The following SMC5 variants were observed in gnomAD, a reference collection of about 807,000 sequenced individuals.
SMC5 encodes structural maintenance of chromosomes 5.
SMC5 carries 88 observed loss-of-function variants against 148.3 expected under a neutral mutation model. The observed-to-expected ratio is 0.59, with a 90% CI of 0.50 to 0.71. SMC5 has a LOEUF of 0.71. Ranked by LOEUF, SMC5 falls within the 30% of genes least tolerant of loss-of-function variation. The pLI, the probability that SMC5 is intolerant of heterozygous loss-of-function variation, is 0.00. For missense variants in SMC5, 1,142 were observed against 1,298.9 expected (o/e 0.88, Z 1.86); for synonymous variants, 421 against 432.8 (o/e 0.97, Z 0.34).
intron 9 of SMC5, among the ~76,000 whole-genome samples, chr9:70,299,756 A>T (rs1357734470): frequency 6.6e-6 from 1 of 150,428 alleles, no homozygotes; most frequent in Non-Finnish European, 1.5e-5. Flanking sequence ...TTGTCTTTTG[A>T]TAGGAAATCT....
At chr9:70,333,624 G>A (rs1463477621) in intron 17 of SMC5, among the ~76,000 whole-genome samples, 12 of 152,228 alleles carry the variant, frequency 7.9e-5, no homozygotes, top group East Asian at 3.9e-4. Context: ...CCAGCTACTC[G>A]GGAGGCTGAG....
intron 12 of SMC5, 147 bp downstream of exon 12, chr9:70,314,983 A>G (rs1161040534): frequency 3.9e-6 from 2 of 506,838 alleles, no homozygotes; most frequent in African/African-American, 2.0e-5. Context: ...GGACCATGAT[A>G]TAGTTAGCAC....
chr9:70,309,942 T>C (rs2035615593), intron 11 of SMC5, among the ~76,000 whole-genome samples: 1 of 152,144 alleles, frequency 6.6e-6, no homozygotes, highest in Non-Finnish European at 1.5e-5. Context: ...CTCCACCTCC[T>C]GGGTATAAGC....
chr9:70,262,280 T>C (rs992910916), intron 1 of SMC5, among the ~76,000 whole-genome samples: 16 of 152,136 alleles, frequency 1.1e-4, no homozygotes, highest in African/African-American at 3.9e-4. Context: ...AGAAGTACAT[T>C]ATAGGTAGAA....
In SMC5 at chr9:70,323,560, A is replaced by T; in HGVS notation, c.2228A>T (p.Asn743Ile). 6.2e-7 allele frequency: 1 copy of T among 1,612,860 alleles called. No homozygotes were observed. Among genetic ancestry groups the T allele is most frequent in the Non-Finnish European group, 8.5e-7 (1 of 1,179,464 alleles). Residue 743 changes from asparagine (N) to isoleucine (I), a missense_variant, in exon 16 of 25, where the codon AAT becomes ATT. This residue lies in a region of SMC5 where 743 missense variants were observed against 835.7 expected (regional missense o/e 0.89). Transcript: ENST00000361138. ...RKASTKIKEINVQKAKLVTEL... is the reference protein window; with the variant it reads ...RKASTKIKEIIVQKAKLVTEL... ...GCAAGTACCAAAATCAAAGAAATAA[A>T]TGTTCAAAAAGCGAAACTTGTTACC...
Position 70,344,146 on chromosome 9 carries a change from A to G in SMC5, c.2400A>G (p.Gln800=), listed in dbSNP as rs769266507. 2.0e-6 allele frequency: 3 copies of G among 1,509,970 alleles called. No homozygotes were observed. Among genetic ancestry groups the G allele is most frequent in the Middle Eastern group, 1.8e-4 (1 of 5,650 alleles). The allele number at this position is 1,509,970 out of a possible 1,614,324, so 93.5% of individuals were successfully genotyped here. A position where few individuals can be genotyped will look rare whatever the true frequency, so the allele number is the denominator to read the frequency against. ...AASSQLRLTE[Q]HFIELDENRQ... is the part of the protein sequence containing the mutation. ...TTCAAAATAAATTTTTTTAATAGCA[A>G]CATTTCATTGAATTGGATGAAAATA... is the stretch of plus-strand genomic sequence containing the variant. The change falls in exon 18 of 25, where the codon CAA becomes CAG. Residue 800 remains glutamine (Q), a splice_region_variant and synonymous_variant. Transcript: ENST00000361138.
intron 3 of SMC5, among the ~76,000 whole-genome samples, chr9:70,268,968 A>T (rs2034370403): frequency 6.6e-6 from 1 of 152,192 alleles, no homozygotes; most frequent in Admixed American, 6.5e-5. Context: ...ATAAATATGC[A>T]CATTATTTAG....
chr9:70,341,502 T>A (rs1303646785), intron 17 of SMC5, among the ~76,000 whole-genome samples: 1 of 152,210 alleles, frequency 6.6e-6, no homozygotes, highest in Non-Finnish European at 1.5e-5. Flanking sequence ...CTTTTATTTC[T>A]CTCAAGCTAT....
At chr9:70,319,053 A>G in intron 15 of SMC5, 90 bp downstream of exon 15, 1 of 1,133,740 alleles carries the variant, frequency 8.8e-7, no homozygotes. Context: ...CATTTCCACA[A>G]GCACGCTTTG....
Position 70,347,590 on chromosome 9 carries a change from G to T in SMC5, c.2665-23G>T, listed in dbSNP as rs756533927. ...TATCCTTTGGTAGATTTATCTTAAA[G>T]AAGTTTTTTTTTCCCCTGCCAGATT... On this transcript the variant is annotated intron_variant, in intron 20 of 24. Coordinates refer to ENST00000361138, the MANE Select transcript of SMC5 (RefSeq NM_015110.4). 21 of 1,284,876 alleles carry T rather than the reference G, an allele frequency of 1.6e-5. 1 individual carries two copies. In the South Asian group the frequency reaches 2.8e-4, roughly 17 times the overall value. The allele number at this position is 1,284,876 out of a possible 1,614,324, so 79.6% of individuals were successfully genotyped here.
intron 12 of SMC5, among the ~76,000 whole-genome samples, 197 bp downstream of exon 12, chr9:70,315,033 A>G (rs534465250): frequency 6.6e-6 from 1 of 152,262 alleles, no homozygotes; most frequent in African/African-American, 2.4e-5. Context: ...AAGTCTGCAG[A>G]ATAATATTGA....
intron 18 of SMC5, among the ~76,000 whole-genome samples, chr9:70,345,178 A>ATT (rs796403883): frequency 2.8e-5 from 4 of 144,288 alleles, no homozygotes; most frequent in African/African-American, 9.9e-5. Flanking sequence ...CAATCTACTA[A>ATT]TTTTTTTTTT....
intron 3 of SMC5, among the ~76,000 whole-genome samples, chr9:70,270,956 C>A (rs2034433279): frequency 6.6e-6 from 1 of 152,086 alleles, no homozygotes; most frequent in Admixed American, 6.5e-5. Flanking sequence ...CTACATATTT[C>A]TTAATACAGG....
chr9:70,323,285 C>T (rs1488925989), intron 15 of SMC5, among the ~76,000 whole-genome samples, 198 bp from the exon 16 acceptor site: 1 of 152,104 alleles, frequency 6.6e-6, no homozygotes, highest in Admixed American at 6.6e-5. Flanking sequence ...ACTTTAGCTC[C>T]TTAAGGGAAG....
Position 70,282,508 on chromosome 9 carries a change from G to T in SMC5, c.906G>T (p.Gly302=). The T allele has an allele frequency of 3.7e-6, 6 of 1,608,840 alleles. No individual in the cohort carries two copies. The South Asian group carries it at 4.5e-5, about 12-fold the overall frequency. The change falls in exon 7 of 25, where the codon GGG becomes GGT. Residue 302 remains glycine, a synonymous_variant. Transcript: ENST00000361138. ...AAGAGGTCAGAAAACTTAAAGAAGG[G>T]CAGATTCCTGTAACATGTCGAATTG... ...VKEEVRKLKE[G]QIPVTCRIEE...
intron 2 of SMC5, among the ~76,000 whole-genome samples, chr9:70,267,258 A>C (rs1343534909): frequency 6.6e-6 from 1 of 152,114 alleles, no homozygotes; most frequent in African/African-American, 2.4e-5. Flanking sequence ...ACCTTTTTTA[A>C]TATTTATCAC....
chr9:70,265,377 T>G (rs2034263429), intron 2 of SMC5, among the ~76,000 whole-genome samples: 1 of 152,112 alleles, frequency 6.6e-6, no homozygotes, highest in Non-Finnish European at 1.5e-5. Flanking sequence ...GAGAATTGCT[T>G]GAATCCAGGA....
chr9:70,258,988 G>A lies in SMC5; in HGVS notation c.-91G>A. 1 of 1,424,646 alleles carries A rather than the reference G, an allele frequency of 7.0e-7. No homozygotes were observed. Among genetic ancestry groups the A allele is most frequent in the African/African-American group, 1.5e-5 (1 of 68,606 alleles). The allele number at this position is 1,424,646 out of a possible 1,614,324, so 88.3% of individuals were successfully genotyped here. ...GTAACAGTTCGCGGCAGTTCGCGCG[G>A]GAGCGGGGCGCCTGGGTGGATGGGC... is the stretch of plus-strand genomic sequence containing the variant. On this transcript the variant is annotated 5_prime_UTR_variant, in exon 1 of 25. Coordinates refer to ENST00000361138, the MANE Select transcript of SMC5 (RefSeq NM_015110.4).
chr9:70,311,605 T>G (rs140356381), intron 11 of SMC5: 1 of 152,204 alleles, frequency 6.6e-6, no homozygotes, highest in Non-Finnish European at 1.5e-5. Context: ...TAAAAAATTG[T>G]TTTTAAACCA....
Sources: allele counts gnomAD v4.1 joint callset (sites outside exome capture counted in the v4.1 genomes callset), GRCh38; gene constraint gnomAD v4.1.1; regional missense constraint gnomAD v4.1.1; transcripts MANE v1.5; gene names NCBI Gene and HGNC (gene_info 2026-07-23, HGNC 2026-07-21).